Variants in ARL5A observed in about 807,000 individuals in gnomAD.
ARL5A encodes the protein ADP-ribosylation factor-like protein 5A.
ARL5A carries 18 observed loss-of-function variants against 25.9 expected under a neutral mutation model. That is an observed-to-expected ratio of 0.69 (90% CI 0.48 to 1.03). The LOEUF (loss-of-function observed/expected upper bound fraction) is 1.03, where lower values mean the gene tolerates loss of function less well. Among genes scored for constraint, ARL5A ranks in the 50% least tolerant of loss-of-function variants. ARL5A has a pLI of 0.00. For synonymous variants in ARL5A, 61 were observed against 67.5 expected, an observed-to-expected ratio of 0.90 and a Z score of 0.47; for missense variants, 170 against 211.9, an observed-to-expected ratio of 0.80 and a Z score of 1.23.
At position 151,828,323 on chromosome 2, in the gene ARL5A, A is replaced by C; in HGVS notation, c.-147T>G. 1 of 669,722 alleles carries C rather than the reference A, an allele frequency of 1.5e-6. No individual in the cohort carries two copies. Among genetic ancestry groups the C allele is most frequent in the South Asian group, 2.2e-5 (1 of 46,292 alleles). The allele number at this position is 669,722 out of a possible 1,614,324, so 41.5% of individuals were successfully genotyped here. On this transcript the variant is annotated 5_prime_UTR_variant, in exon 1 of 6. Transcript: ENST00000295087. ...CGCGGGCCCGCTTCCAGGGAACCGG[A>C]GGGAGGCCGAAGCCCAGGCCGCCCT...
At chr2:151,803,446 C>A in intron 5 of ARL5A, 122 bp from the exon 6 acceptor site, 1 of 724,132 alleles carries the variant, frequency 1.4e-6, no homozygotes. Context: ...ATTTAAAAAT[C>A]AATAATATTC....
In ARL5A at chr2:151,828,205, ACACCCGGGCCGC is replaced by A. The variant is rs1167807026; in HGVS notation, c.-41_-30del. ...CGGGCAGCGGACCCCCCCCCTCCAG[ACACCCGGGCCGC>A]CTGGCTTCCCCCGGCTCAGGCTGAG... On this transcript the variant is annotated 5_prime_UTR_variant, in exon 1 of 6. Transcript: ENST00000295087. 8 of 1,596,526 alleles carry A rather than the reference ACACCCGGGCCGC, an allele frequency of 5.0e-6. No homozygotes were observed. Among genetic ancestry groups the A allele is most frequent in the Non-Finnish European group, 6.0e-6 (7 of 1,168,410 alleles).
At chr2:151,815,768 G>C (rs2099831425) in intron 1 of ARL5A, among the ~76,000 whole-genome samples, 1 of 152,136 alleles carries the variant, frequency 6.6e-6, no homozygotes, top group African/African-American at 2.4e-5. Context: ...GGCTTCTGTG[G>C]CACCACTTTC....
intron 1 of ARL5A, among the ~76,000 whole-genome samples, chr2:151,820,996 C>T (rs1018261267): frequency 1.4e-4 from 21 of 152,186 alleles, no homozygotes; most frequent in African/African-American, 5.1e-4. Context: ...CAGGTAAGAT[C>T]ATTAGATAAA....
chr2:151,807,572 T>C (rs1477607524), intron 4 of ARL5A, among the ~76,000 whole-genome samples: 2 of 152,188 alleles, frequency 1.3e-5, no homozygotes, highest in East Asian at 1.9e-4. Context: ...AGCTAGTACC[T>C]TCTAGCTGCA....
In ARL5A at chr2:151,799,572, A is replaced by G. The variant is rs1271325105; in HGVS notation, c.*3704T>C. 1 of 152,212 alleles carries G rather than the reference A, an allele frequency of 6.6e-6. No homozygotes were observed. Among genetic ancestry groups the G allele is most frequent in the South Asian group, 2.1e-4 (1 of 4,832 alleles). 9.4% of individuals were successfully genotyped at this position (152,212 alleles called of 1,614,324 possible). On this transcript the variant is annotated 3_prime_UTR_variant, in exon 6 of 6. Coordinates refer to ENST00000295087, the MANE Select transcript of ARL5A (RefSeq NM_012097.4). ...GTGGTAGAGTCTGGGTATTTCTCCT[A>G]TCTTTCTGAATCTACTTCCCAACAT... is the stretch of plus-strand genomic sequence containing the variant.
At chr2:151,808,096 A>G (rs530137274) in intron 4 of ARL5A, among the ~76,000 whole-genome samples, 2 of 152,322 alleles carry the variant, frequency 1.3e-5, no homozygotes, top group East Asian at 1.9e-4. Context: ...AAGTTTATGT[A>G]CAATTTGAGG....
At chr2:151,804,483 G>A (rs1218331742) in intron 5 of ARL5A, among the ~76,000 whole-genome samples, 6 of 152,032 alleles carry the variant, frequency 3.9e-5, no homozygotes, top group African/African-American at 1.4e-4. Flanking sequence ...TAACGTAAAA[G>A]AAGACACAAA....
At chr2:151,818,383 A>T (rs560872578) in intron 1 of ARL5A, among the ~76,000 whole-genome samples, 8 of 152,156 alleles carry the variant, frequency 5.3e-5, no homozygotes, top group Non-Finnish European at 1.2e-4. Context: ...GGCTCAAGTG[A>T]TCCACCCACC....
At chr2:151,824,095 G>A (rs2099832706) in intron 1 of ARL5A, among the ~76,000 whole-genome samples, 1 of 152,224 alleles carries the variant, frequency 6.6e-6, no homozygotes, top group Admixed American at 6.5e-5. Flanking sequence ...GACTTGTGAT[G>A]TTGTAAAAGC....
At chr2:151,821,775 CTTTTTTTTTTTTTCT>C (rs1252141537) in intron 1 of ARL5A, among the ~76,000 whole-genome samples, 202 of 113,538 alleles carry the variant, frequency 1.8e-3, no homozygotes, top group African/African-American at 5.0e-3. Flanking sequence ...GCCCGGCTTT[CTTTTTTTTTTTTTCT>C]TTTTTTTTTT....
chr2:151,813,946 C>T (rs1043925100), intron 3 of ARL5A, among the ~76,000 whole-genome samples: 5 of 151,972 alleles, frequency 3.3e-5, no homozygotes, highest in Non-Finnish European at 7.4e-5. Context: ...GAGATCAATA[C>T]ACAATCAGAA....
At chr2:151,827,296 G>T (rs1358984759) in intron 1 of ARL5A, among the ~76,000 whole-genome samples, 1 of 152,176 alleles carries the variant, frequency 6.6e-6, no homozygotes, top group Non-Finnish European at 1.5e-5. Flanking sequence ...AGCCTGATAG[G>T]TATTTCATGG....
At chr2:151,825,823 G>GAA (rs71410440) in intron 1 of ARL5A, among the ~76,000 whole-genome samples, 55 of 140,258 alleles carry the variant, frequency 3.9e-4, no homozygotes, top group Middle Eastern at 3.8e-3. Flanking sequence ...GTCCTATACA[G>GAA]AAAAAAAAAA....
intron 1 of ARL5A, among the ~76,000 whole-genome samples, chr2:151,824,381 T>C (rs748471322): frequency 6.6e-6 from 1 of 152,128 alleles, no homozygotes; most frequent in Non-Finnish European, 1.5e-5. Flanking sequence ...TTATCAACTA[T>C]CACAAATTGA....
chr2:151,825,381 G>A (rs1448320085), intron 1 of ARL5A, among the ~76,000 whole-genome samples: 5 of 152,130 alleles, frequency 3.3e-5, no homozygotes, highest in Non-Finnish European at 7.3e-5. Context: ...GCATATACCA[G>A]TTGCATGGCC....
chr2:151,799,824 A>T lies in ARL5A; in HGVS notation c.*3452T>A, dbSNP rs142920019. On this transcript the variant is annotated 3_prime_UTR_variant, in exon 6 of 6. Coordinates refer to ENST00000295087, the MANE Select transcript of ARL5A (RefSeq NM_012097.4). ...ACCACTGGTTTGGAAACCATTGTCTATAACAATAGTTACAAAGAAAGTTTA... is the reference window on the plus strand; with the variant it reads ...ACCACTGGTTTGGAAACCATTGTCTTTAACAATAGTTACAAAGAAAGTTTA... The T allele has an allele frequency of 6.6e-6, 1 of 152,232 alleles. No individual in the cohort carries two copies. Among genetic ancestry groups the T allele is most frequent in the African/African-American group, 2.4e-5 (1 of 41,462 alleles). 9.4% of individuals were successfully genotyped at this position (152,232 alleles called of 1,614,324 possible). A position where few individuals can be genotyped will look rare whatever the true frequency, so the allele number is the denominator to read the frequency against.
rs534179708 is a variant in ARL5A, at chr2:151,818,288, T to C, written c.47-3089A>G. On this transcript the variant is annotated intron_variant, in intron 1 of 5. Transcript: ENST00000295087. ...GCAATGACTGATGTGAATCCTTTCT[T>C]TTTTTTTGAGACAGGGTCTCACTCT... 4.6e-5 allele frequency among the ~76,000 whole-genome samples: 7 copies of C among 152,088 alleles called. No homozygotes were observed. The East Asian group carries it at 5.8e-4, about 13-fold the overall frequency.
chr2:151,814,523 AACTTTATAGTTTCT>A (rs2099831251), intron 2 of ARL5A, among the ~76,000 whole-genome samples: 1 of 152,058 alleles, frequency 6.6e-6, no homozygotes, highest in Admixed American at 6.6e-5. Flanking sequence ...CATTCCAGGA[AACTTTATAGTTTCT>A]ACTTTATAGT....
Sources: allele counts gnomAD v4.1 joint callset (sites outside exome capture counted in the v4.1 genomes callset), GRCh38; gene constraint gnomAD v4.1.1; transcripts MANE v1.5; gene names NCBI Gene and HGNC (gene_info 2026-07-23, HGNC 2026-07-21).